Variants in EML2 observed in about 807,000 individuals in gnomAD.
EML2 encodes EMAP like 2.
EML2 carries 59 observed loss-of-function variants against 84.7 expected under a neutral mutation model. The observed-to-expected ratio is 0.70, with a 90% CI of 0.56 to 0.86. EML2 has a LOEUF of 0.86. Among genes scored for constraint, EML2 ranks in the 40% least tolerant of loss-of-function variants. The pLI is 0.00. For missense variants in EML2, 818 were observed against 855.6 expected, an observed-to-expected ratio of 0.96 and a Z score of 0.55; for synonymous variants, 352 against 348.9, an observed-to-expected ratio of 1.01 and a Z score of -0.10.
At chr19:45,628,381 A>C (rs1972621052) in intron 7 of EML2, among the ~76,000 whole-genome samples, 1 of 151,214 alleles carries the variant, frequency 6.6e-6, no homozygotes, top group Admixed American at 6.6e-5. Context: ...TAGAAAAAAA[A>C]AAAGTGAGGC....
At chr19:45,637,452 C>T (rs1973851838) in intron 3 of EML2, among the ~76,000 whole-genome samples, 1 of 147,966 alleles carries the variant, frequency 6.8e-6, no homozygotes, top group Non-Finnish European at 1.5e-5. Flanking sequence ...ATAGTAAGTG[C>T]TTGAGTTATT....
Position 45,621,524 on chromosome 19 carries a change from C to T in EML2, c.955G>A (p.Val319Ile). The change falls in exon 10 of 19, where the codon GTC becomes ATC. Residue 319 changes from valine to isoleucine, a missense_variant. Transcript: ENST00000245925. ...VSGGGRDRRV[V>I]LWGSDYSKLQ... ...TTGCTGTAGTCAGAACCCCAGAGGACCACCCGCCGATCACGGCCCCCTCCA... is the reference window on the plus strand; with the variant it reads ...TTGCTGTAGTCAGAACCCCAGAGGATCACCCGCCGATCACGGCCCCCTCCA... 2 of 1,612,150 alleles carry T rather than the reference C, an allele frequency of 1.2e-6. No individual in the cohort carries two copies. Among genetic ancestry groups the T allele is most frequent in the Non-Finnish European group, 1.7e-6 (2 of 1,179,928 alleles).
chr19:45,633,401 A>AGG (rs1469834053), intron 4 of EML2, among the ~76,000 whole-genome samples: 3 of 151,888 alleles, frequency 2.0e-5, no homozygotes, highest in Non-Finnish European at 4.4e-5. Flanking sequence ...CACTTATTTA[A>AGG]GGGGGCTGAC....
chr19:45,637,212 G>C (rs955025651), intron 3 of EML2, among the ~76,000 whole-genome samples: 1 of 152,212 alleles, frequency 6.6e-6, no homozygotes. Flanking sequence ...GGCCCAGAGA[G>C]AAGCAGACAA....
intron 8 of EML2, among the ~76,000 whole-genome samples, chr19:45,626,086 A>T (rs921347383): frequency 6.0e-5 from 9 of 149,316 alleles, no homozygotes; most frequent in Admixed American, 6.0e-4. Flanking sequence ...CATGTTTCCC[A>T]GGCTGGTCTC....
chr19:45,645,472 C>A (rs1172406139), upstream of EML2: 72 of 1,406,404 alleles, frequency 5.1e-5, no homozygotes, highest in East Asian at 2.0e-3. Context: ...TGGCATCAGG[C>A]GGCCGGCGCC....
chr19:45,635,212 C>T (rs1973583668), intron 3 of EML2, among the ~76,000 whole-genome samples: 1 of 152,042 alleles, frequency 6.6e-6, no homozygotes, highest in Non-Finnish European at 1.5e-5. Context: ...GATCCCAGCT[C>T]ACTGCAACCT....
At chr19:45,613,397 CT>C (rs991689660) in intron 18 of EML2, 143 bp downstream of exon 18, 23 of 975,952 alleles carry the variant, frequency 2.4e-5, no homozygotes, top group Non-Finnish European at 3.1e-5. Context: ...AAGAAAGGCC[CT>C]TGGGATCAAG....
chr19:45,645,306 A>G (rs1485285874), upstream of EML2: 3 of 1,533,744 alleles, frequency 2.0e-6, no homozygotes, highest in Non-Finnish European at 2.6e-6. Context: ...GACGTGTCGT[A>G]CAGGCCGCAG....
chr19:45,614,816 C>G (rs1327218874), intron 16 of EML2, 116 bp from the exon 17 acceptor site: 2 of 796,352 alleles, frequency 2.5e-6, no homozygotes, highest in East Asian at 5.2e-5. Flanking sequence ...GGTCCCAGGG[C>G]TCATTCTACC....
chr19:45,625,385 C>T (rs1000190817), intron 8 of EML2, among the ~76,000 whole-genome samples: 1 of 152,136 alleles, frequency 6.6e-6, no homozygotes, highest in Non-Finnish European at 1.5e-5. Context: ...GGATTACAGG[C>T]GCCCACCATC....
At position 45,614,675 on chromosome 19, in the gene EML2, G is replaced by A; in HGVS notation, c.1623C>T (p.Ile541=). Residue 541 remains isoleucine, a synonymous_variant, in exon 17 of 19, where the codon ATC becomes ATT. Coordinates refer to ENST00000245925, the MANE Select transcript of EML2 (RefSeq NM_012155.4). ...TGTTCCTCACAGCATCCGCACTGGT[G>A]ATCTGCTTACAGGTAGCCGGGTCCC... ...LYWDPATCKQ[I]TSADAVRNME... 1 of 1,614,028 alleles carries A rather than the reference G, an allele frequency of 6.2e-7. No homozygotes were observed. Among genetic ancestry groups the A allele is most frequent in the Non-Finnish European group, 8.5e-7 (1 of 1,179,920 alleles).
At chr19:45,611,147 C>T (rs1022175842) in intron 18 of EML2, among the ~76,000 whole-genome samples, 26 of 151,992 alleles carry the variant, frequency 1.7e-4, no homozygotes, top group African/African-American at 5.3e-4. Context: ...TGGTGGCTCA[C>T]GCCTATAATC....
chr19:45,616,230 T>C lies in EML2; in HGVS notation c.1509+231A>G, dbSNP rs1600087777. ...GAACGTGAGGGGCGGTCTCGGAACG[T>C]GAGGGGCGGGGCTACACAGATGGGC... is the stretch of plus-strand genomic sequence containing the variant. On this transcript the variant is annotated intron_variant, in intron 15 of 18. Coordinates refer to ENST00000245925, the MANE Select transcript of EML2 (RefSeq NM_012155.4). The C allele has an allele frequency of 1.3e-5, 5 of 376,752 alleles. No homozygotes were observed. In the South Asian group the frequency reaches 2.3e-4, roughly 17 times the overall value. 23.3% of individuals were successfully genotyped at this position (376,752 alleles called of 1,614,324 possible). A position where few individuals can be genotyped will look rare whatever the true frequency, so the allele number is the denominator to read the frequency against.
chr19:45,636,497 C>T (rs1282993271), intron 3 of EML2, among the ~76,000 whole-genome samples: 1 of 152,172 alleles, frequency 6.6e-6, no homozygotes, highest in Non-Finnish European at 1.5e-5. Context: ...CTGGGTCAGC[C>T]CTGTCCCTGT....
At chr19:45,638,682 T>G (rs1393875393) in intron 2 of EML2, 48 bp from the exon 3 acceptor site, 4 of 1,601,216 alleles carry the variant, frequency 2.5e-6, no homozygotes, top group Non-Finnish European at 3.4e-6. Context: ...GCCCCATCCC[T>G]ATTCCCTCTC....
rs367980918 is a variant in EML2 at position 45,613,543 on chromosome 19, G to T, written c.1822C>A (p.Arg608=). 199 of 1,613,850 alleles carry T rather than the reference G, an allele frequency of 1.2e-4. 3 individuals are homozygous for T. The East Asian group carries it at 4.3e-3, about 35-fold the overall frequency. Residue 608 remains arginine (R), a splice_region_variant and synonymous_variant, in exon 18 of 19, where the codon CGA becomes AGA. Coordinates refer to ENST00000245925, the MANE Select transcript of EML2 (RefSeq NM_012155.4). The part of the protein sequence containing the change: ...HLFSYPCCQP[R]ALSHKYGGHS... ...CCCCATCTCCCCAAGGGACTCACTC[G>T]AGGCTGACAGCAGGGGTAGCTAAAC... is the stretch of plus-strand genomic sequence containing the variant.
chr19:45,641,784 T>C (rs1974535909), upstream of EML2: 1 of 1,532,978 alleles, frequency 6.5e-7, no homozygotes, highest in Admixed American at 2.0e-5. Flanking sequence ...CAGAGCCTTC[T>C]AGGCCAGCAG....
intron 15 of EML2, 199 bp downstream of exon 15, chr19:45,616,262 C>A: frequency 2.2e-6 from 1 of 458,132 alleles, no homozygotes; most frequent in Non-Finnish European, 3.8e-6. Flanking sequence ...GGGCTTAGCA[C>A]GTGGGGGCGG....
Sources: gnomAD v4.1 joint callset for allele counts (sites outside exome capture counted in the v4.1 genomes callset) on GRCh38, gnomAD v4.1.1 for gene constraint, MANE v1.5 for transcripts, NCBI Gene and HGNC (gene_info 2026-07-23, HGNC 2026-07-21) for gene names.